Variants in BCAS3 observed in about 807,000 individuals in gnomAD.
BCAS3 encodes BCAS3 microtubule associated cell migration factor, also known as BCAS4/BCAS3 fusion.
In BCAS3, 53 loss-of-function variants were observed where a neutral mutation model predicts 116.1. The observed-to-expected ratio is 0.46, with a 90% CI of 0.37 to 0.57. The LOEUF (loss-of-function observed/expected upper bound fraction) is 0.57. Among genes scored for constraint, BCAS3 ranks in the 20% least tolerant of loss-of-function variants. The pLI, the probability that BCAS3 is intolerant of heterozygous loss-of-function variation, is 0.00. For missense variants in BCAS3, 917 were observed against 1,165.4 expected (o/e 0.79, Z 3.10); for synonymous variants, 391 against 408.2 (o/e 0.96, Z 0.51).
intron 6 of BCAS3, among the ~76,000 whole-genome samples, chr17:60,777,624 T>C (rs928986032): frequency 6.6e-6 from 1 of 151,718 alleles, no homozygotes; most frequent in Non-Finnish European, 1.5e-5. Context: ...CGACTCTGTC[T>C]CCAAAAAGAA....
At chr17:61,360,216 G>T (rs1231017589) in intron 22 of BCAS3, among the ~76,000 whole-genome samples, 2 of 151,990 alleles carry the variant, frequency 1.3e-5, no homozygotes, top group Non-Finnish European at 2.9e-5. Flanking sequence ...TATTGGTCAG[G>T]CTGGTCTCAA....
rs527274736 is a variant in BCAS3 at position 61,028,769 on chromosome 17, C to T, written c.1638-5897C>T. On this transcript the variant is annotated intron_variant, in intron 16 of 23. Transcript: ENST00000407086. This position sits in a 1 kb window ranked among gnomAD's most constrained non-coding sequence, Gnocchi z 4.3. ...AATATAGTAGACTTTTAAATCATTG[C>T]CTGTCTTTTAGAAGACTGCTTTGTG... 6.6e-6 allele frequency among the ~76,000 whole-genome samples: 1 copy of T among 152,000 alleles called. No individual in the cohort carries two copies. Among genetic ancestry groups the T allele is most frequent in the South Asian group, 2.1e-4 (1 of 4,826 alleles).
At chr17:60,773,803 A>G (rs953983776) in intron 6 of BCAS3, among the ~76,000 whole-genome samples, 1 of 152,060 alleles carries the variant, frequency 6.6e-6, no homozygotes, top group Admixed American at 6.6e-5. Context: ...GCACGCCACC[A>G]TGCCTGGCTA....
At position 60,961,994 on chromosome 17, in the gene BCAS3, A is replaced by G. The variant is rs1161096094; in HGVS notation, c.1221+14642A>G. Among the ~76,000 whole-genome samples, 1 of 152,212 alleles carries G rather than the reference A, an allele frequency of 6.6e-6. No individual in the cohort carries two copies. Among genetic ancestry groups the G allele is most frequent in the South Asian group, 2.1e-4 (1 of 4,818 alleles). On this transcript the variant is annotated intron_variant, in intron 14 of 23. Coordinates refer to ENST00000407086, the MANE Select transcript of BCAS3 (RefSeq NM_017679.5). This position sits in a 1 kb window ranked among gnomAD's most constrained non-coding sequence, Gnocchi z 4.8. ...AACATAATGGCCTCCAGTTTCAGCTATGTTGCTGCAAATGACAGGATTTCA... is the reference window on the plus strand; with the variant it reads ...AACATAATGGCCTCCAGTTTCAGCTGTGTTGCTGCAAATGACAGGATTTCA...
At chr17:60,705,979 T>C (rs896779693) in intron 4 of BCAS3, among the ~76,000 whole-genome samples, 2 of 152,150 alleles carry the variant, frequency 1.3e-5, no homozygotes, top group African/African-American at 2.4e-5. Context: ...CTCCATCTCC[T>C]CTGCCTCTGT....
chr17:61,236,239 G>A (rs1274037314), intron 22 of BCAS3, among the ~76,000 whole-genome samples: 2 of 152,208 alleles, frequency 1.3e-5, no homozygotes, highest in African/African-American at 2.4e-5. Flanking sequence ...TGTTCTGTAG[G>A]AAAGTGGGAG....
intron 22 of BCAS3, among the ~76,000 whole-genome samples, chr17:61,225,865 A>G (rs1173472060): frequency 6.6e-6 from 1 of 152,206 alleles, no homozygotes; most frequent in Non-Finnish European, 1.5e-5. Context: ...TCCTGTTTTA[A>G]AAGGATACAA....
Position 61,286,453 on chromosome 17 carries a change from G to C in BCAS3, c.2426-81874G>C, listed in dbSNP as rs997087445. Among the ~76,000 whole-genome samples the C allele has an allele frequency of 6.6e-6, 1 of 152,178 alleles. No homozygotes were observed. Among genetic ancestry groups the C allele is most frequent in the Non-Finnish European group, 1.5e-5 (1 of 68,036 alleles). On this transcript the variant is annotated intron_variant, in intron 22 of 23. Coordinates refer to ENST00000407086, the MANE Select transcript of BCAS3 (RefSeq NM_017679.5). The surrounding 1 kb of genome is among the most constrained non-coding windows in gnomAD (Gnocchi z 4.8). ...ATGGCCAGCAGGATAGAAATCCGAC[G>C]TGGTGTTTATGACCCTGGAGGCCAT...
intron 4 of BCAS3, among the ~76,000 whole-genome samples, chr17:60,706,565 A>G (rs1209492004): frequency 1.3e-5 from 2 of 152,048 alleles, no homozygotes; most frequent in Admixed American, 1.3e-4. Context: ...TCATGCCTTT[A>G]TTCCCTCCCA....
chr17:61,173,352 G>A (rs1289940135), intron 22 of BCAS3, among the ~76,000 whole-genome samples: 1 of 151,614 alleles, frequency 6.6e-6, no homozygotes, highest in African/African-American at 2.4e-5. Context: ...GGGAGGCTGA[G>A]GCATGAGAAT....
Position 61,023,978 on chromosome 17 carries a change from A to G in BCAS3, c.1637+8077A>G, listed in dbSNP as rs558873232. Among the ~76,000 whole-genome samples the G allele has an allele frequency of 2.6e-5, 4 of 152,186 alleles. No individual in the cohort carries two copies. The highest frequency in any genetic ancestry group is 2.1e-4 in the South Asian group (1 of 4,834). ...TATAGTAATTTGGGTTGCCTCTGTT[A>G]ATACAGAGAATATTTCATTCAGTAT... On this transcript the variant is annotated intron_variant, in intron 16 of 23. Transcript: ENST00000407086. The surrounding 1 kb of genome is among the most constrained non-coding windows in gnomAD (Gnocchi z 4.8).
chr17:60,984,154 T>C (rs1424147711), intron 14 of BCAS3, among the ~76,000 whole-genome samples: 1 of 152,234 alleles, frequency 6.6e-6, no homozygotes, highest in Non-Finnish European at 1.5e-5. Context: ...ATAGTCGAGA[T>C]TGGCAGGCAT....
At chr17:61,246,551 A>T (rs2047972982) in intron 22 of BCAS3, among the ~76,000 whole-genome samples, 1 of 151,318 alleles carries the variant, frequency 6.6e-6, no homozygotes, top group East Asian at 1.9e-4. Context: ...TTCCGCAACC[A>T]ACCAGAAGTC....
intron 7 of BCAS3, among the ~76,000 whole-genome samples, chr17:60,815,672 G>A (rs1364402140): frequency 6.6e-6 from 1 of 152,164 alleles, no homozygotes; most frequent in African/African-American, 2.4e-5. Flanking sequence ...ACCATTCAGG[G>A]AGCCAATGAA....
In BCAS3 at chr17:61,219,431, C is replaced by T. The variant is rs978007697; in HGVS notation, c.2425+134867C>T. 3.9e-5 allele frequency among the ~76,000 whole-genome samples: 6 copies of T among 152,142 alleles called. No homozygotes were observed. The highest frequency in any genetic ancestry group is 9.7e-5 in the African/African-American group (4 of 41,424). ...CTCACAGGTGGCCCATTGACTTGGT[C>T]TCTGTGTGCCCATATTACTGGTGCT... is the stretch of plus-strand genomic sequence containing the variant. On this transcript the variant is annotated intron_variant, in intron 22 of 23. Coordinates refer to ENST00000407086, the MANE Select transcript of BCAS3 (RefSeq NM_017679.5). The surrounding 1 kb of genome is among the most constrained non-coding windows in gnomAD (Gnocchi z 5.2).
intron 15 of BCAS3, among the ~76,000 whole-genome samples, chr17:61,014,618 G>T (rs567943754): frequency 3.6e-4 from 55 of 151,772 alleles, no homozygotes; most frequent in Middle Eastern, 6.8e-3. Flanking sequence ...AATCAACATT[G>T]CACTGGAAGT....
chr17:61,324,836 AAG>A lies in BCAS3; in HGVS notation c.2426-43489_2426-43488del, dbSNP rs1215722886. 6.6e-6 allele frequency among the ~76,000 whole-genome samples: 1 copy of A among 151,816 alleles called. No individual in the cohort carries two copies. The highest frequency in any genetic ancestry group is 2.4e-5 in the African/African-American group (1 of 41,252). ...CTCATCTCTATGAAAAAAAAAAAAA[AAG>A]AAGAAACAAAAAAGAAGATGTAGAC... On this transcript the variant is annotated intron_variant, in intron 22 of 23. Coordinates refer to ENST00000407086, the MANE Select transcript of BCAS3 (RefSeq NM_017679.5). The surrounding 1 kb of genome is among the most constrained non-coding windows in gnomAD (Gnocchi z 4.6).
chr17:60,746,424 C>T (rs2042018376), intron 5 of BCAS3, among the ~76,000 whole-genome samples: 1 of 152,058 alleles, frequency 6.6e-6, no homozygotes, highest in African/African-American at 2.4e-5. Context: ...ACCTTTTGTT[C>T]TTCTTTTAAA....
At chr17:60,803,890 T>C (rs1461060387) in intron 6 of BCAS3, among the ~76,000 whole-genome samples, 1 of 147,098 alleles carries the variant, frequency 6.8e-6, no homozygotes, top group Non-Finnish European at 1.5e-5. Flanking sequence ...CAACCTCTGC[T>C]TCCCGGGTTT....
Sources: allele counts gnomAD v4.1 joint callset (sites outside exome capture counted in the v4.1 genomes callset), GRCh38; gene constraint gnomAD v4.1.1; non-coding constraint Gnocchi (gnomAD v3.1); transcripts MANE v1.5; gene names NCBI Gene and HGNC (gene_info 2026-07-23, HGNC 2026-07-21).